The following NAV3 variants were observed in gnomAD, a reference collection of about 807,000 sequenced individuals.
NAV3 encodes neuron navigator 3.
NAV3 carries 87 observed loss-of-function variants against 244.7 expected under a neutral mutation model. That is an observed-to-expected ratio of 0.36 (90% CI 0.30 to 0.42). The LOEUF is 0.42. Among genes scored for constraint, NAV3 ranks in the 20% least tolerant of loss-of-function variants. NAV3 has a pLI of 1.00. For missense variants in NAV3, 2,663 were observed against 2,893.3 expected (o/e 0.92, Z 1.83); for synonymous variants, 1,126 against 1,042.2 (o/e 1.08, Z -1.55).
intron 2 of NAV3, among the ~76,000 whole-genome samples, chr12:77,812,859 C>T (rs1177735511): frequency 2.0e-5 from 3 of 152,144 alleles, no homozygotes; most frequent in Admixed American, 6.5e-5. Context: ...CAGAGTCTCA[C>T]TCTGTCACCC....
At chr12:77,614,109 G>T (rs543321859) in intron 2 of NAV3, among the ~76,000 whole-genome samples, 22 of 128,068 alleles carry the variant, frequency 1.7e-4, no homozygotes, top group South Asian at 4.9e-4. Context: ...TTTAACACAG[G>T]GTCTCCCTCC....
At chr12:77,735,438 G>A (rs1877294586) in intron 2 of NAV3, among the ~76,000 whole-genome samples, 1 of 152,034 alleles carries the variant, frequency 6.6e-6, no homozygotes. Flanking sequence ...GCTCAGAAAT[G>A]GTTAGCTAGA....
intron 12 of NAV3, among the ~76,000 whole-genome samples, chr12:78,082,436 G>A (rs1953407049): frequency 6.6e-6 from 1 of 152,042 alleles, no homozygotes; most frequent in Non-Finnish European, 1.5e-5. Flanking sequence ...AGAAAATCTT[G>A]TTGTTTCAGA....
chr12:78,037,033 A>G (rs1880008450), intron 9 of NAV3: 1 of 702,902 alleles, frequency 1.4e-6, no homozygotes, highest in Non-Finnish European at 2.6e-6. Context: ...AAGGCCAGCC[A>G]GAGAGAAGCC....
intron 12 of NAV3, among the ~76,000 whole-genome samples, chr12:78,082,498 T>A (rs1953410061): frequency 6.6e-6 from 1 of 152,190 alleles, no homozygotes; most frequent in African/African-American, 2.4e-5. Context: ...GTAGTCAGTG[T>A]TGAATATTTT....
intron 21 of NAV3, among the ~76,000 whole-genome samples, chr12:78,148,331 G>A (rs749388321): frequency 6.6e-6 from 1 of 151,844 alleles, no homozygotes; most frequent in Non-Finnish European, 1.5e-5. Context: ...TTAAGCCCAA[G>A]TTTTAGTGAT....
chr12:77,901,614 G>A (rs1313180094), intron 1 of NAV3, among the ~76,000 whole-genome samples: 1 of 152,152 alleles, frequency 6.6e-6, no homozygotes, highest in Non-Finnish European at 1.5e-5. Flanking sequence ...GGAGGCTGAG[G>A]CACGAGAATC....
At position 77,618,378 on chromosome 12, in the gene NAV3, G is replaced by A. The variant is rs189307552; in HGVS notation, c.72+46112G>A. ...TGGAATGATTTTAAATTTATAGATAGGCACTACTAAAACACAAGCAAAATA... is the reference window on the plus strand; with the variant it reads ...TGGAATGATTTTAAATTTATAGATAAGCACTACTAAAACACAAGCAAAATA... On this transcript the variant is annotated intron_variant, in intron 2 of 8. Coordinates refer to the NAV3 transcript ENST00000550042. Among the ~76,000 whole-genome samples the A allele has an allele frequency of 4.7e-4, 71 of 152,208 alleles. No individual in the cohort carries two copies. In the East Asian group the frequency reaches 0.012, roughly 26 times the overall value.
intron 2 of NAV3, among the ~76,000 whole-genome samples, chr12:77,580,836 G>A (rs1869329245): frequency 1.3e-5 from 2 of 152,178 alleles, no homozygotes; most frequent in Non-Finnish European, 2.9e-5. Flanking sequence ...AGACTCTAGT[G>A]GCAGTCATGG....
In NAV3 at chr12:78,188,629, T is replaced by A; in HGVS notation, c.5907T>A (p.Asp1969Glu). 1 of 1,611,170 alleles carries A rather than the reference T, an allele frequency of 6.2e-7. No homozygotes were observed. The highest frequency in any genetic ancestry group is 8.5e-7 in the Non-Finnish European group (1 of 1,178,564). ...TGTAGGAATATGTATTCCGAATTGA[T>A]ACATCCACTAGCCTTGGTCTGAGCT... ...RLFKEYVFRI[D>E]TSTSLGLSSD... Residue 1969 changes from aspartate to glutamate, a missense_variant, in exon 33 of 40, where the codon GAT becomes GAA. Physicochemically the swap from Asp to Glu is conservative, Grantham distance 45. Coordinates refer to ENST00000397909, the MANE Select transcript of NAV3 (RefSeq NM_001024383.2).
At chr12:77,826,249 T>C (rs1466241591), upstream of NAV3, among the ~76,000 whole-genome samples, 1 of 152,208 alleles carries the variant, frequency 6.6e-6, no homozygotes, top group Non-Finnish European at 1.5e-5. Context: ...AGCTCAAGTC[T>C]GTAATCCCAG....
At chr12:78,074,207 G>T (rs1374896405) in intron 12 of NAV3, among the ~76,000 whole-genome samples, 1 of 152,152 alleles carries the variant, frequency 6.6e-6, no homozygotes, top group Non-Finnish European at 1.5e-5. Context: ...GGAATTTTAG[G>T]ATCAAATAGT....
intron 23 of NAV3, among the ~76,000 whole-genome samples, chr12:78,166,110 T>C (rs932236236): frequency 2.0e-5 from 3 of 151,904 alleles, no homozygotes; most frequent in Admixed American, 1.3e-4. Context: ...CGAAAAAATA[T>C]ATTCATCAAC....
At chr12:77,604,638 A>C (rs530249448) in intron 2 of NAV3, among the ~76,000 whole-genome samples, 1 of 152,048 alleles carries the variant, frequency 6.6e-6, no homozygotes, top group South Asian at 2.1e-4. Flanking sequence ...TTGGGCACTG[A>C]ACTGTAGGTT....
Position 78,187,420 on chromosome 12 carries a change from T to C in NAV3, c.5791-828T>C, listed in dbSNP as rs1593966258. 3.3e-5 allele frequency among the ~76,000 whole-genome samples: 5 copies of C among 152,024 alleles called. No homozygotes were observed. The South Asian group carries it at 1.0e-3, about 31-fold the overall frequency. On this transcript the variant is annotated intron_variant, in intron 31 of 39. Transcript: ENST00000397909. ...AGAACCAGGATTATAATATGTCAACTATCTAATTATATCTACTGGAATCAT... is the reference window on the plus strand; with the variant it reads ...AGAACCAGGATTATAATATGTCAACCATCTAATTATATCTACTGGAATCAT...
At chr12:77,993,815 C>G (rs1031778524) in intron 5 of NAV3, among the ~76,000 whole-genome samples, 1 of 152,098 alleles carries the variant, frequency 6.6e-6, no homozygotes, top group African/African-American at 2.4e-5. Flanking sequence ...TCCTTGGAGG[C>G]CTTGAAAACT....
chr12:77,942,835 C>T (rs1383769682), intron 3 of NAV3, among the ~76,000 whole-genome samples: 1 of 152,162 alleles, frequency 6.6e-6, no homozygotes, highest in Admixed American at 6.5e-5. Flanking sequence ...CGTGGATTAA[C>T]ACCTGTTAAA....
intron 23 of NAV3, among the ~76,000 whole-genome samples, chr12:78,163,491 C>T (rs1044895134): frequency 6.6e-6 from 1 of 151,944 alleles, no homozygotes; most frequent in South Asian, 2.1e-4. Flanking sequence ...TTGCTTGAAC[C>T]CTGGAGGTGA....
chr12:78,211,159 G>A lies in NAV3; in HGVS notation c.*642G>A, dbSNP rs941352471. ...GTGCTCCACCAACTTTTTAGTATAT[G>A]AGTCACTGGTTTTATAAGGTTGTTT... On this transcript the variant is annotated 3_prime_UTR_variant, in exon 40 of 40. Coordinates refer to ENST00000397909, the MANE Select transcript of NAV3 (RefSeq NM_001024383.2). 1.3e-5 allele frequency: 2 copies of A among 152,646 alleles called. No homozygotes were observed. Among genetic ancestry groups the A allele is most frequent in the African/African-American group, 2.4e-5 (1 of 41,452 alleles). The allele number at this position is 152,646 out of a possible 1,614,324, so 9.5% of individuals were successfully genotyped here.
Sources: allele counts gnomAD v4.1 joint callset (sites outside exome capture counted in the v4.1 genomes callset), GRCh38; gene constraint gnomAD v4.1.1; transcripts MANE v1.5; gene names NCBI Gene and HGNC (gene_info 2026-07-23, HGNC 2026-07-21).